Variants in DDX60L observed in about 807,000 individuals in gnomAD.
DDX60L encodes DExD/H-box 60 like.
A neutral mutation model predicts 211.6 loss-of-function variants in DDX60L; 191 were observed. That is an observed-to-expected ratio of 0.90 (90% CI 0.80 to 1.02). The LOEUF (loss-of-function observed/expected upper bound fraction) is 1.02. Ranked by LOEUF, DDX60L falls within the 50% of genes least tolerant of loss-of-function variation. DDX60L has a pLI of 0.00. For missense variants in DDX60L, 2,007 were observed against 1,984.1 expected (o/e 1.01, Z -0.22); for synonymous variants, 706 against 694.1 (o/e 1.02, Z -0.27).
At chr4:168,379,923 TAAG>T in intron 30 of DDX60L, 93 bp from the exon 31 acceptor site, 1 of 788,114 alleles carries the variant, frequency 1.3e-6, no homozygotes, top group Non-Finnish European at 2.0e-6. Flanking sequence ...ACTATATAGA[TAAG>T]GTTACCAGAT....
intron 35 of DDX60L, among the ~76,000 whole-genome samples, chr4:168,373,188 C>T (rs1173927414): frequency 6.6e-6 from 1 of 152,038 alleles, no homozygotes; most frequent in Non-Finnish European, 1.5e-5. Flanking sequence ...TAAATATATT[C>T]AATGTGGAAT....
At chr4:168,476,548 A>G (rs550233145) in intron 1 of DDX60L, among the ~76,000 whole-genome samples, 3 of 152,360 alleles carry the variant, frequency 2.0e-5, no homozygotes, top group South Asian at 4.1e-4. Context: ...AGAGTCAGAG[A>G]TGAAGAAAGA....
At chr4:168,396,775 C>T (rs1054887923) in intron 26 of DDX60L, among the ~76,000 whole-genome samples, 10 of 150,712 alleles carry the variant, frequency 6.6e-5, no homozygotes, top group South Asian at 2.1e-4. Context: ...CCTTCCCCTA[C>T]GTCCAAAAAA....
intron 10 of DDX60L, among the ~76,000 whole-genome samples, chr4:168,437,058 C>G (rs1753136282): frequency 6.6e-6 from 1 of 152,124 alleles, no homozygotes; most frequent in South Asian, 2.1e-4. Flanking sequence ...ATGTGATTAA[C>G]GTCAATGGAA....
Position 168,400,808 on chromosome 4 carries a change from G to A in DDX60L, c.3491+18C>T. 1 of 1,586,774 alleles carries A rather than the reference G, an allele frequency of 6.3e-7. No homozygotes were observed. The highest frequency in any genetic ancestry group is 2.3e-5 in the East Asian group (1 of 44,280). On this transcript the variant is annotated intron_variant, in intron 26 of 37. Coordinates refer to ENST00000682922, the MANE Select transcript of DDX60L (RefSeq NM_001012967.3). Reference sequence around the variant, plus strand: ...AGTCTTCAGGGGCCAATTTGTTTAAGTAAACATTAATACTTACATCCTTTT... The same window carrying A: ...AGTCTTCAGGGGCCAATTTGTTTAAATAAACATTAATACTTACATCCTTTT...
chr4:168,400,223 T>A (rs1746552421), intron 26 of DDX60L, among the ~76,000 whole-genome samples: 2 of 152,232 alleles, frequency 1.3e-5, no homozygotes, highest in Non-Finnish European at 2.9e-5. Context: ...TGCATAGTAT[T>A]CCTTGGTGTA....
intron 4 of DDX60L, chr4:168,469,482 G>A (rs1385996699): frequency 6.6e-6 from 1 of 152,138 alleles, no homozygotes; most frequent in African/African-American, 2.4e-5. Flanking sequence ...CTAAGAGATA[G>A]GCAATGATTC....
chr4:168,427,286 T>G lies in DDX60L; in HGVS notation c.1714A>C (p.Lys572Gln), dbSNP rs1751613886. 1 of 1,613,554 alleles carries G rather than the reference T, an allele frequency of 6.2e-7. No individual in the cohort carries two copies. The highest frequency in any genetic ancestry group is 1.3e-5 in the African/African-American group (1 of 74,918). The change falls in exon 14 of 38, where the codon AAA becomes CAA. Residue 572 changes from lysine to glutamine, a missense_variant. Physicochemically the swap from Lys to Gln is moderately conservative, Grantham distance 53 (BLOSUM62 1). Coordinates refer to ENST00000682922, the MANE Select transcript of DDX60L (RefSeq NM_001012967.3). The stretch of plus-strand genomic sequence containing the variant: ...TGATCTTCTTTGAGAAATGACTTTT[T>G]CTTACTCTTTTTGGTAATTTGGTGG... ...KPHQITKKSKKKSFLKEDQNK... is the reference protein window; with the variant it reads ...KPHQITKKSKQKSFLKEDQNK...
chr4:168,455,524 C>T (rs899820955), intron 7 of DDX60L, among the ~76,000 whole-genome samples: 15 of 152,020 alleles, frequency 9.9e-5, no homozygotes, highest in African/African-American at 2.9e-4. Context: ...ATCCAGGCTG[C>T]CTTTTACCAT....
chr4:168,395,425 G>T (rs1212073394), intron 27 of DDX60L, among the ~76,000 whole-genome samples: 1 of 152,162 alleles, frequency 6.6e-6, no homozygotes, highest in Admixed American at 6.5e-5. Flanking sequence ...TAGAATAAAA[G>T]ATCTGATAGA....
chr4:168,437,046 C>A (rs1421893031), intron 10 of DDX60L, among the ~76,000 whole-genome samples: 2 of 152,160 alleles, frequency 1.3e-5, no homozygotes, highest in African/African-American at 4.8e-5. Flanking sequence ...TACTACCATG[C>A]CATGTGATTA....
Position 168,402,919 on chromosome 4 carries a change from A to C in DDX60L, c.3338+1063T>G, listed in dbSNP as rs150471091. On this transcript the variant is annotated intron_variant, in intron 25 of 37. Transcript: ENST00000682922. ...ACATTTAAAATGTCTATTTTTAAAA[A>C]TAATTTATTTTACAAAAGTAAATGC... Among the ~76,000 whole-genome samples the C allele has an allele frequency of 5.9e-3, 904 of 152,376 alleles. 6 individuals carry two copies. The highest frequency in any genetic ancestry group is 0.017 in the African/African-American group (709 of 41,592).
chr4:168,425,889 T>C (rs1271593730), intron 14 of DDX60L, among the ~76,000 whole-genome samples: 2 of 152,234 alleles, frequency 1.3e-5, no homozygotes, highest in Non-Finnish European at 2.9e-5. Flanking sequence ...ACAAGCCATA[T>C]GAAGACGTAA....
chr4:168,403,773 G>C (rs1245499459), intron 25 of DDX60L, among the ~76,000 whole-genome samples: 1 of 152,036 alleles, frequency 6.6e-6, no homozygotes, highest in African/African-American at 2.4e-5. Context: ...AAGTAAGAGG[G>C]TAATAAGATG....
At chr4:168,442,579 C>T (rs974816317) in intron 9 of DDX60L, among the ~76,000 whole-genome samples, 2 of 152,104 alleles carry the variant, frequency 1.3e-5, no homozygotes, top group African/African-American at 4.8e-5. Flanking sequence ...GGGCAGGGCA[C>T]AGACAAAGAA....
intron 29 of DDX60L, among the ~76,000 whole-genome samples, chr4:168,387,098 C>T (rs565786137): frequency 6.6e-6 from 1 of 152,232 alleles, no homozygotes; most frequent in Admixed American, 6.5e-5. Context: ...AAAGTATGCC[C>T]CTGGCCAACA....
At chr4:168,450,774 A>C (rs768536462) in intron 8 of DDX60L, among the ~76,000 whole-genome samples, 6 of 152,098 alleles carry the variant, frequency 3.9e-5, no homozygotes, top group Admixed American at 3.3e-4. Context: ...TTAGCCAGGC[A>C]TGGTGGCGTA....
rs141678167 is a variant in DDX60L, at chr4:168,420,112, T to C, written c.2514+149A>G. The C allele has an allele frequency of 6.7e-5, 45 of 675,010 alleles. No individual in the cohort carries two copies. The African/African-American group carries it at 7.8e-4, about 12-fold the overall frequency. 41.8% of individuals were successfully genotyped at this position (675,010 alleles called of 1,614,324 possible). A position where few individuals can be genotyped will look rare whatever the true frequency, so the allele number is the denominator to read the frequency against. The stretch of plus-strand genomic sequence containing the variant: ...TCTTACTTTTTAGAGTAGAACAACC[T>C]TAAATTTTCCTTAGAGCAATTTCAT... On this transcript the variant is annotated intron_variant, in intron 18 of 37. Transcript: ENST00000682922.
rs1739044450 is a variant in DDX60L, at chr4:168,361,148, C to CT, written c.4991_4991+1insA (p.Ser1664ArgfsTer2). On this transcript the variant is annotated frameshift_variant and splice_region_variant. Coordinates refer to ENST00000682922, the MANE Select transcript of DDX60L (RefSeq NM_001012967.3). LOFTEE classifies it high-confidence loss of function. Reference sequence around the variant, plus strand: ...AAAATCAAACTCAGCATGAAACATACCTGATAGCCTGAATGTTGAATGCAA... The same window carrying CT: ...AAAATCAAACTCAGCATGAAACATACTCTGATAGCCTGAATGTTGAATGCAA... 3 of 1,601,150 alleles carry CT rather than the reference C, an allele frequency of 1.9e-6. No individual in the cohort carries two copies. Among genetic ancestry groups the CT allele is most frequent in the Non-Finnish European group, 2.6e-6 (3 of 1,170,850 alleles).
Sources: gnomAD v4.1 joint callset for allele counts (sites outside exome capture counted in the v4.1 genomes callset) on GRCh38, gnomAD v4.1.1 for gene constraint, MANE v1.5 for transcripts, NCBI Gene and HGNC (gene_info 2026-07-23, HGNC 2026-07-21) for gene names.